The following RB1 variants were observed in gnomAD, a reference collection of about 807,000 sequenced individuals.
RB1 encodes RB transcriptional corepressor 1.
A neutral mutation model predicts 135.4 loss-of-function variants in RB1; 18 were observed. That is an observed-to-expected ratio of 0.13 (90% confidence interval 0.09 to 0.20). RB1 has a LOEUF of 0.20. RB1 is among the 10% of genes least tolerant of loss of function. The pLI, the probability that RB1 is intolerant of heterozygous loss-of-function variation, is 1.00. For synonymous variants in RB1, 365 were observed against 373.2 expected (o/e 0.98, Z 0.25); for missense variants, 868 against 1,110.0 (o/e 0.78, Z 3.10).
intron 17 of RB1, among the ~76,000 whole-genome samples, chr13:48,392,757 T>A (rs2138162716): frequency 6.6e-6 from 1 of 152,124 alleles, no homozygotes; most frequent in Non-Finnish European, 1.5e-5. Flanking sequence ...TAGTTCTCTC[T>A]CTCTCTCTCT....
At chr13:48,432,304 A>G (rs1045702954) in intron 17 of RB1, among the ~76,000 whole-genome samples, 2 of 152,054 alleles carry the variant, frequency 1.3e-5, no homozygotes, top group African/African-American at 4.8e-5. Flanking sequence ...CATGTCCCCA[A>G]GATCTTTGGG....
chr13:48,317,421 G>T, intron 2 of RB1: 2 of 375,496 alleles, frequency 5.3e-6, no homozygotes, highest in South Asian at 3.3e-5. Context: ...TCGAGGGCAG[G>T]GTGTGGTCAG....
chr13:48,393,373 A>G (rs528606215), intron 17 of RB1, among the ~76,000 whole-genome samples: 69 of 152,096 alleles, frequency 4.5e-4, no homozygotes, highest in Non-Finnish European at 8.5e-4. Context: ...CCAGTTTCTC[A>G]TCTCTGGACT....
intron 17 of RB1, among the ~76,000 whole-genome samples, chr13:48,403,052 A>G (rs1948707567): frequency 6.6e-6 from 1 of 152,104 alleles, no homozygotes; most frequent in Non-Finnish European, 1.5e-5. Flanking sequence ...AGCTAACAAT[A>G]ATTGGTAAAA....
intron 2 of RB1, among the ~76,000 whole-genome samples, chr13:48,338,680 G>A (rs1284190579): frequency 3.3e-5 from 5 of 152,194 alleles, no homozygotes; most frequent in East Asian, 1.9e-4. Flanking sequence ...CTTTCAAATC[G>A]TCAAAGTCAT....
intron 17 of RB1, chr13:48,429,148 G>T (rs949611693): frequency 6.6e-6 from 1 of 152,140 alleles, no homozygotes; most frequent in African/African-American, 2.4e-5. Context: ...TGCAAAAAAG[G>T]GTTGTTTTAG....
rs757670810 is a variant in RB1 at position 48,441,818 on chromosome 13, G to C, written c.1696-11175G>C. 3.3e-5 allele frequency among the ~76,000 whole-genome samples: 5 copies of C among 152,020 alleles called. 1 individual carries two copies. The South Asian group carries it at 1.0e-3, about 32-fold the overall frequency. On this transcript the variant is annotated intron_variant, in intron 17 of 26. Coordinates refer to ENST00000267163, the MANE Select transcript of RB1 (RefSeq NM_000321.3). ...AAAACCTGGTGATTTTCATTCTGTG[G>C]TATAGAGATCCTAGTTAAGAGGCAG...
intron 2 of RB1, among the ~76,000 whole-genome samples, chr13:48,333,605 A>T (rs1253543159): frequency 6.6e-6 from 1 of 151,872 alleles, no homozygotes; most frequent in Non-Finnish European, 1.5e-5. Flanking sequence ...TGTTACCCTT[A>T]TTGATACTTA....
intron 17 of RB1, among the ~76,000 whole-genome samples, chr13:48,445,475 TGG>T (rs1313835024): frequency 1.8e-4 from 28 of 152,384 alleles, no homozygotes; most frequent in African/African-American, 6.7e-4. Flanking sequence ...ACTTTAGTTC[TGG>T]TGGCCTCTTT....
chr13:48,443,576 G>A (rs946775811), intron 17 of RB1, among the ~76,000 whole-genome samples: 4 of 152,136 alleles, frequency 2.6e-5, no homozygotes, highest in African/African-American at 9.7e-5. Flanking sequence ...CTTTTAAACT[G>A]AAAGTACTTT....
intron 16 of RB1, among the ~76,000 whole-genome samples, chr13:48,380,849 G>A (rs1386531435): frequency 6.6e-6 from 1 of 152,112 alleles, no homozygotes; most frequent in Non-Finnish European, 1.5e-5. Context: ...ACCAAGAAAT[G>A]CATATTTTAA....
At chr13:48,338,837 A>G (rs1160006346) in intron 2 of RB1, among the ~76,000 whole-genome samples, 2 of 152,056 alleles carry the variant, frequency 1.3e-5, no homozygotes, top group Non-Finnish European at 2.9e-5. Flanking sequence ...GATGATGGTG[A>G]CGTACAGATG....
At chr13:48,404,573 C>G (rs552050204) in intron 17 of RB1, among the ~76,000 whole-genome samples, 7 of 151,958 alleles carry the variant, frequency 4.6e-5, no homozygotes, top group Non-Finnish European at 8.8e-5. Context: ...GTCGCCCAGG[C>G]TGGAGTGCAA....
chr13:48,430,779 A>G (rs1043146970), intron 17 of RB1, among the ~76,000 whole-genome samples: 3 of 150,226 alleles, frequency 2.0e-5, no homozygotes, highest in African/African-American at 4.9e-5. Context: ...AAAAAAAAAC[A>G]GTAGAGGCCT....
At chr13:48,332,088 C>T (rs1193800999) in intron 2 of RB1, among the ~76,000 whole-genome samples, 4 of 152,162 alleles carry the variant, frequency 2.6e-5, no homozygotes, top group Admixed American at 6.5e-5. Flanking sequence ...TGCAAGAACA[C>T]GGATGAACCC....
intron 2 of RB1, among the ~76,000 whole-genome samples, chr13:48,337,184 G>A (rs1379060113): frequency 2.0e-5 from 3 of 152,218 alleles, no homozygotes; most frequent in Admixed American, 6.5e-5. Flanking sequence ...TTCTGTAGAT[G>A]TCTATTAGGT....
chr13:48,396,984 G>A (rs1948653808), intron 17 of RB1, among the ~76,000 whole-genome samples: 1 of 152,202 alleles, frequency 6.6e-6, no homozygotes, highest in Non-Finnish European at 1.5e-5. Context: ...TCATTAAAAA[G>A]TCAGGAAACA....
intron 20 of RB1, 96 bp downstream of exon 20, chr13:48,459,929 CT>C: frequency 4.1e-6 from 2 of 490,436 alleles, no homozygotes; most frequent in Non-Finnish European, 6.8e-6. Context: ...TTCTTTCTTT[CT>C]TTCTTTCTTT....
chr13:48,379,957 TAA>T lies in RB1; in HGVS notation c.1390-71_1390-70del, dbSNP rs35427721. 28,203 of 355,078 alleles carry T rather than the reference TAA, an allele frequency of 0.079. 2 individuals carry two copies. The highest frequency in any genetic ancestry group is 0.1 in the South Asian group (3,070 of 30,496). The allele number at this position is 355,078 out of a possible 1,614,324, so 22.0% of individuals were successfully genotyped here. A position where few individuals can be genotyped will look rare whatever the true frequency, so the allele number is the denominator to read the frequency against. On this transcript the variant is annotated intron_variant, in intron 14 of 26. Transcript: ENST00000267163. Reference sequence around the variant, plus strand: ...CCTGGCAACAGAGCAAGACACCATCTAAAAAAAAAAAAAAAAAAAAAAAAAAT... The same window carrying T: ...CCTGGCAACAGAGCAAGACACCATCTAAAAAAAAAAAAAAAAAAAAAAAAT...
Sources: allele counts gnomAD v4.1 joint callset (sites outside exome capture counted in the v4.1 genomes callset), GRCh38; gene constraint gnomAD v4.1.1; transcripts MANE v1.5; gene names NCBI Gene and HGNC (gene_info 2026-07-23, HGNC 2026-07-21).